The following SVEP1 variants were observed in gnomAD, a reference collection of about 807,000 sequenced individuals.
SVEP1 encodes the protein sushi, von Willebrand factor type A, EGF and pentraxin domain containing 1.
Under a neutral mutation model 367.3 loss-of-function variants are expected in SVEP1, and 164 were observed. The ratio of observed to expected loss-of-function variants is 0.45; its 90% confidence interval spans 0.39 to 0.51. SVEP1 has a LOEUF of 0.51. SVEP1 is among the 20% of genes least tolerant of loss of function. The pLI is 0.00. For synonymous variants in SVEP1, 1,666 were observed against 1,611.6 expected, an observed-to-expected ratio of 1.03 and a Z score of -0.81; for missense variants, 4,117 against 4,425.3, an observed-to-expected ratio of 0.93 and a Z score of 1.98.
At chr9:110,471,192 C>T (rs1031244783) in intron 16 of SVEP1, among the ~76,000 whole-genome samples, 172 bp downstream of exon 16, 1 of 152,168 alleles carries the variant, frequency 6.6e-6, no homozygotes, top group Non-Finnish European at 1.5e-5. Context: ...TTTCCTGTCC[C>T]TACCAACAGT....
chr9:110,529,261 T>C (rs1382005280), intron 3 of SVEP1, among the ~76,000 whole-genome samples: 1 of 113,656 alleles, frequency 8.8e-6, no homozygotes, highest in Non-Finnish European at 2.0e-5. Context: ...TACCATGCTG[T>C]TTTGGTTACT....
At chr9:110,470,557 C>G (rs77878745) in intron 16 of SVEP1, among the ~76,000 whole-genome samples, 23,357 of 151,684 alleles carry the variant, frequency 0.15, 2,112 homozygotes, top group Admixed American at 0.2. Flanking sequence ...CTCAGCCTCC[C>G]GAGTTGCTGG....
chr9:110,564,636 G>A (rs1049487336), intron 1 of SVEP1, among the ~76,000 whole-genome samples: 3 of 151,820 alleles, frequency 2.0e-5, no homozygotes, highest in African/African-American at 7.3e-5. Flanking sequence ...CCAAATAAAC[G>A]ACATTTGGAA....
At chr9:110,393,164 A>G (rs944398544) in intron 40 of SVEP1, among the ~76,000 whole-genome samples, 21 of 152,336 alleles carry the variant, frequency 1.4e-4, no homozygotes, top group African/African-American at 4.8e-4. Context: ...TCATAATTTT[A>G]TATTACTTTT....
At chr9:110,526,567 A>G (rs1017655638) in intron 3 of SVEP1, among the ~76,000 whole-genome samples, 5 of 152,174 alleles carry the variant, frequency 3.3e-5, no homozygotes, top group African/African-American at 1.2e-4. Flanking sequence ...TGGATCACTC[A>G]TACATTTCTG....
At chr9:110,491,342 T>C (rs1829362862) in intron 8 of SVEP1, among the ~76,000 whole-genome samples, 1 of 151,996 alleles carries the variant, frequency 6.6e-6, no homozygotes, top group Non-Finnish European at 1.5e-5. Flanking sequence ...GCTTTTTAAA[T>C]TTTTTCTTTC....
rs537465998 is a variant in SVEP1, at chr9:110,398,828, T to G, written c.9822+2026A>C. Among the ~76,000 whole-genome samples, 3 of 152,210 alleles carry G rather than the reference T, an allele frequency of 2.0e-5. 1 individual carries two copies. In the South Asian group the frequency reaches 6.2e-4, roughly 32 times the overall value. On this transcript the variant is annotated intron_variant, in intron 40 of 47. Coordinates refer to ENST00000374469, the MANE Select transcript of SVEP1 (RefSeq NM_153366.4). ...TCACACCAGTTAGAATGGCAATCAT[T>G]AAAAAGTCAGGAAACAACAGGTGCT...
rs570920504 is a variant in SVEP1 at position 110,450,068 on chromosome 9, T to C, written c.4094A>G (p.Asn1365Ser). The C allele has an allele frequency of 3.7e-6, 6 of 1,613,856 alleles. No homozygotes were observed. The highest frequency in any genetic ancestry group is 1.6e-4 in the Middle Eastern group (1 of 6,062). Residue 1365 changes from asparagine to serine, a missense_variant, in exon 24 of 48, where the codon AAT becomes AGT. Asn to Ser is a conservative substitution (Grantham distance 46, BLOSUM62 1). Around this residue, in one of 4 missense-constraint regions of SVEP1, gnomAD observed 2,174 missense variants for 2,494.3 expected, o/e 0.87. Transcript: ENST00000374469. ...AGACTTAGCCTTTTACCTGAAGCTA[T>C]TGGCACCGTCTTTACAGGTAGCTCC... is the stretch of plus-strand genomic sequence containing the variant. ...KNGATCKDGA[N>S]SFRCLCAAGF...
At chr9:110,503,666 C>T (rs368437171) in intron 5 of SVEP1, among the ~76,000 whole-genome samples, 2 of 152,178 alleles carry the variant, frequency 1.3e-5, no homozygotes, top group African/African-American at 4.8e-5. Flanking sequence ...ATATCCTAGG[C>T]CTTCTAATAG....
chr9:110,446,968 C>T lies in SVEP1; in HGVS notation c.4193G>A (p.Cys1398Tyr), dbSNP rs1289389645. Residue 1398 changes from cysteine (C) to tyrosine (Y), a missense_variant, in exon 25 of 48, where the codon TGT becomes TAT. Around this residue, in one of 4 missense-constraint regions of SVEP1, gnomAD observed 2,174 missense variants for 2,494.3 expected, o/e 0.87. Transcript: ENST00000374469. ...QSNPCRNQAT[C>Y]VDELNSYSCK... Reference sequence around the variant, plus strand: ...ACTGTATGAATTTAATTCATCCACACAGGTGGCCTGATTTCTACATGGATT... The same window carrying T: ...ACTGTATGAATTTAATTCATCCACATAGGTGGCCTGATTTCTACATGGATT... The T allele has an allele frequency of 6.5e-7, 1 of 1,547,260 alleles. No individual in the cohort carries two copies. Among genetic ancestry groups the T allele is most frequent in the South Asian group, 1.2e-5 (1 of 82,670 alleles).
rs746800604 is a variant in SVEP1 at position 110,413,541 on chromosome 9, TAATAA to T, written c.5976-1811_5976-1807del. Among the ~76,000 whole-genome samples the T allele has an allele frequency of 1.5e-3, 224 of 151,900 alleles. 5 individuals are homozygous for T. Among genetic ancestry groups the T allele is most frequent in the Middle Eastern group, 0.01 (3 of 294 alleles). On this transcript the variant is annotated intron_variant, in intron 36 of 47. Coordinates refer to ENST00000374469, the MANE Select transcript of SVEP1 (RefSeq NM_153366.4). The stretch of plus-strand genomic sequence containing the variant: ...ATGTACCCTAAAACTTAAAGTATAA[TAATAA>T]AATAAAATAAAATAAAAGGTGTCTT...
chr9:110,489,890 G>A, intron 8 of SVEP1, 111 bp from the exon 9 acceptor site: 2 of 1,332,112 alleles, frequency 1.5e-6, no homozygotes, highest in Admixed American at 2.7e-5. Flanking sequence ...TCACAAAGAG[G>A]AAAGGAAAAA....
At chr9:110,423,184 G>GA (rs1404736217) in intron 36 of SVEP1, among the ~76,000 whole-genome samples, 33 of 91,020 alleles carry the variant, frequency 3.6e-4, no homozygotes, top group Admixed American at 1.1e-3. Flanking sequence ...AAAAAAAAAA[G>GA]AAAAAAAAAA....
intron 40 of SVEP1, among the ~76,000 whole-genome samples, chr9:110,393,181 A>C (rs1447416628): frequency 1.3e-5 from 2 of 152,152 alleles, no homozygotes; most frequent in African/African-American, 2.4e-5. Flanking sequence ...TTTTCTTCTT[A>C]ATAAATTGCA....
intron 16 of SVEP1, 120 bp downstream of exon 16, chr9:110,471,244 C>A (rs931258841): frequency 1.7e-5 from 14 of 820,210 alleles, no homozygotes; most frequent in Non-Finnish European, 2.4e-5. Context: ...TAATAACAAC[C>A]ACACAACAAG....
chr9:110,404,353 C>T lies in SVEP1; in HGVS notation c.9640G>A (p.Glu3214Lys). The change falls in exon 39 of 48, where the codon GAG (glutamate) becomes AAG (lysine). Residue 3214 changes from glutamate to lysine, a missense_variant. Physicochemically the swap from Glu to Lys is moderately conservative, Grantham distance 56. Transcript: ENST00000374469. ...TGACATACTGATATGTTAACTCCCT[C>T]AAAGGTATACCCTTCTGCACATGAC... is the stretch of plus-strand genomic sequence containing the variant. The part of the protein sequence containing the change: ...SVSCAEGYTF[E>K]GVNISVCQLD... The T allele has an allele frequency of 6.2e-7, 1 of 1,613,938 alleles. No individual in the cohort carries two copies. The highest frequency in any genetic ancestry group is 8.5e-7 in the Non-Finnish European group (1 of 1,179,876).
chr9:110,512,106 C>T (rs1432384062), intron 5 of SVEP1, among the ~76,000 whole-genome samples: 1 of 152,068 alleles, frequency 6.6e-6, no homozygotes, highest in African/African-American at 2.4e-5. Flanking sequence ...TATTATTTAT[C>T]AAAAATTCAA....
At chr9:110,425,442 A>C (rs539119554) in intron 36 of SVEP1, among the ~76,000 whole-genome samples, 33 of 152,344 alleles carry the variant, frequency 2.2e-4, no homozygotes, top group African/African-American at 7.9e-4. Context: ...AATGACAGAA[A>C]AAGTTTCCAC....
Position 110,533,007 on chromosome 9 carries a change from A to C in SVEP1, c.964+13108T>G, listed in dbSNP as rs143099227. 2.2e-3 allele frequency among the ~76,000 whole-genome samples: 333 copies of C among 152,258 alleles called. 6 individuals carry two copies. The East Asian group carries it at 0.056, about 25-fold the overall frequency. On this transcript the variant is annotated intron_variant, in intron 3 of 47. Coordinates refer to ENST00000374469, the MANE Select transcript of SVEP1 (RefSeq NM_153366.4). ...GTTCCACTTCAGATCATTTGGCATT[A>C]GATTCTCATAAGCAGCATGCAAACT...
Sources: gnomAD v4.1 joint callset for allele counts (sites outside exome capture counted in the v4.1 genomes callset) on GRCh38, gnomAD v4.1.1 for gene constraint, gnomAD v4.1.1 regional missense constraint, MANE v1.5 for transcripts, NCBI Gene and HGNC (gene_info 2026-07-23, HGNC 2026-07-21) for gene names.